ADNP: variants seen among roughly 807,000 people sequenced by gnomAD.
ADNP encodes activity dependent neuroprotector homeobox, also known as activity-dependent neuroprotector homeobox protein.
Under a neutral mutation model 84.9 loss-of-function variants are expected in ADNP, and 4 were observed. That is an observed-to-expected ratio of 0.05 (90% CI 0.02 to 0.11). ADNP has a LOEUF of 0.11. Among genes scored for constraint, ADNP ranks in the 10% least tolerant of loss-of-function variants. The probability of loss-of-function intolerance (pLI) is 1.00; values close to 1 mark genes in which losing one functional copy is unlikely to be tolerated. For missense variants in ADNP, 1,132 were observed against 1,326.0 expected (o/e 0.85, Z 2.27); for synonymous variants, 554 against 468.1 (o/e 1.18, Z -2.37).
Position 50,901,933 on chromosome 20 carries a change from A to C in ADNP, c.201+84T>G, listed in dbSNP as rs915344838. ...CGATGTTTGGCACTTGCCCGCAATCACTGCACCGCTATAAAAGGCCTAGAG... is the reference window on the plus strand; with the variant it reads ...CGATGTTTGGCACTTGCCCGCAATCCCTGCACCGCTATAAAAGGCCTAGAG... On this transcript the variant is annotated intron_variant, in intron 5 of 5. Coordinates refer to ENST00000621696, the MANE Select transcript of ADNP (RefSeq NM_001282531.3). The C allele has an allele frequency of 4.9e-6, 5 of 1,013,894 alleles. No homozygotes were observed. The African/African-American group carries it at 8.1e-5, about 16-fold the overall frequency. The allele number at this position is 1,013,894 out of a possible 1,614,324, so 62.8% of individuals were successfully genotyped here. A position where few individuals can be genotyped will look rare whatever the true frequency, so the allele number is the denominator to read the frequency against.
intron 2 of ADNP, among the ~76,000 whole-genome samples, chr20:50,922,014 A>T (rs1983985876): frequency 6.6e-6 from 1 of 152,230 alleles, no homozygotes; most frequent in South Asian, 2.1e-4. Flanking sequence ...CCACAGGCAT[A>T]CAGCCACTTG....
chr20:50,898,544 T>C (rs762786911), intron 5 of ADNP, among the ~76,000 whole-genome samples: 13 of 152,242 alleles, frequency 8.5e-5, no homozygotes, highest in Non-Finnish European at 1.6e-4. Flanking sequence ...TTTGTTCTTG[T>C]TCTTCAAGAT....
chr20:50,917,679 T>C (rs530004236), intron 2 of ADNP, among the ~76,000 whole-genome samples: 5 of 152,282 alleles, frequency 3.3e-5, no homozygotes, highest in Admixed American at 6.5e-5. Flanking sequence ...CAGGCTCCAG[T>C]CAAACTGGGA....
In ADNP at chr20:50,890,428, A is replaced by G. The variant is rs1980564698; in HGVS notation, c.*977T>C. The G allele has an allele frequency of 6.6e-6, 1 of 152,444 alleles. No individual in the cohort carries two copies. Among genetic ancestry groups the G allele is most frequent in the South Asian group, 2.1e-4 (1 of 4,836 alleles). The allele number at this position is 152,444 out of a possible 1,614,324, so 9.4% of individuals were successfully genotyped here. On this transcript the variant is annotated 3_prime_UTR_variant, in exon 6 of 6. Transcript: ENST00000621696. ...TAAAGATCACAAAATTATACATACT[A>G]CAACAGTGTGTCATATATTAGATGG... is the stretch of plus-strand genomic sequence containing the variant.
At chr20:50,899,420 A>G (rs1981736565) in intron 5 of ADNP, among the ~76,000 whole-genome samples, 1 of 152,090 alleles carries the variant, frequency 6.6e-6, no homozygotes, top group Admixed American at 6.6e-5. Context: ...CATGTTGGCC[A>G]GGCTGGTCTC....
rs753039752 is a variant in ADNP, at chr20:50,891,172, C to T, written c.*233G>A. Reference sequence around the variant, plus strand: ...TTTCCTCGTGTGTATTCATGAGTCACCAGCTTATTGGTTTTTCACATTTAG... The same window carrying T: ...TTTCCTCGTGTGTATTCATGAGTCATCAGCTTATTGGTTTTTCACATTTAG... On this transcript the variant is annotated 3_prime_UTR_variant, in exon 6 of 6. Coordinates refer to ENST00000621696, the MANE Select transcript of ADNP (RefSeq NM_001282531.3). 1 of 1,298,222 alleles carries T rather than the reference C, an allele frequency of 7.7e-7. No individual in the cohort carries two copies. Among genetic ancestry groups the T allele is most frequent in the Non-Finnish European group, 9.7e-7 (1 of 1,026,998 alleles). 80.4% of individuals were successfully genotyped at this position (1,298,222 alleles called of 1,614,324 possible). A position where few individuals can be genotyped will look rare whatever the true frequency, so the allele number is the denominator to read the frequency against.
At chr20:50,909,271 G>A (rs1002018321) in intron 2 of ADNP, among the ~76,000 whole-genome samples, 4 of 146,380 alleles carry the variant, frequency 2.7e-5, no homozygotes, top group Non-Finnish European at 3.0e-5. Context: ...GCTGAGGCAG[G>A]AGAATCGCTT....
At chr20:50,929,931 T>G (rs1014329320) in intron 1 of ADNP, among the ~76,000 whole-genome samples, 11 of 151,706 alleles carry the variant, frequency 7.3e-5, no homozygotes, top group African/African-American at 2.4e-4. Context: ...ACTTCGTGTG[T>G]GGGGGGTGTG....
chr20:50,919,315 A>ATATATATC (rs1555815826), intron 2 of ADNP, among the ~76,000 whole-genome samples: 1 of 147,482 alleles, frequency 6.8e-6, no homozygotes, highest in Non-Finnish European at 1.5e-5. Context: ...ATATATATAT[A>ATATATATC]TGTAAAAAGC....
chr20:50,892,928 T>C lies in ADNP; in HGVS notation c.1786A>G (p.Lys596Glu), dbSNP rs745616231. The C allele has an allele frequency of 3.7e-6, 6 of 1,614,120 alleles. No individual in the cohort carries two copies. Among genetic ancestry groups the C allele is most frequent in the East Asian group, 2.2e-5 (1 of 44,900 alleles). Reference sequence around the variant, plus strand: ...GGGATATCTGCCTTTTCCTGAACCTTTGGCTGTGGCTTTGGAGGAACTGGA... The same window carrying C: ...GGGATATCTGCCTTTTCCTGAACCTCTGGCTGTGGCTTTGGAGGAACTGGA... ...NPPVPPKPQP[K>E]VQEKADIPVK... Residue 596 changes from lysine to glutamate, a missense_variant, in exon 6 of 6, where the codon AAG (lysine) becomes GAG (glutamate). By Grantham distance (56) the Lys-to-Glu change is moderately conservative (BLOSUM62 1). Transcript: ENST00000621696.
rs1395051094 is a variant in ADNP at position 50,931,262 on chromosome 20, G to T, written c.-701C>A. On this transcript the variant is annotated 5_prime_UTR_variant, in exon 1 of 6. Coordinates refer to ENST00000621696, the MANE Select transcript of ADNP (RefSeq NM_001282531.3). ...AGATGGCGGCGGCCGGGGGGGGGGG[G>T]GCGGGAGTTCAGCTCATGGATCCCG... The T allele has an allele frequency of 3.8e-5, 4 of 104,294 alleles. No individual in the cohort carries two copies. Among genetic ancestry groups the T allele is most frequent in the East Asian group, 3.7e-4 (1 of 2,688 alleles). The allele number at this position is 104,294 out of a possible 1,614,324, so 6.5% of individuals were successfully genotyped here.
chr20:50,909,194 G>T (rs931348460), intron 2 of ADNP, among the ~76,000 whole-genome samples: 5 of 151,474 alleles, frequency 3.3e-5, no homozygotes, highest in Admixed American at 3.3e-4. Flanking sequence ...GAGAAACCCC[G>T]TCTCTGCTAA....
At chr20:50,910,665 AT>A (rs760892598) in intron 2 of ADNP, among the ~76,000 whole-genome samples, 1 of 152,142 alleles carries the variant, frequency 6.6e-6, no homozygotes, top group East Asian at 1.9e-4. Context: ...AATTATTATT[AT>A]TTTTGAGAAA....
At chr20:50,926,113 C>CA (rs1216256783) in intron 2 of ADNP, among the ~76,000 whole-genome samples, 1 of 152,088 alleles carries the variant, frequency 6.6e-6, no homozygotes, top group African/African-American at 2.4e-5. Context: ...AACAAACAAA[C>CA]AACACACAAA....
intron 5 of ADNP, among the ~76,000 whole-genome samples, chr20:50,900,167 CAT>C (rs1286455665): frequency 6.6e-6 from 1 of 152,154 alleles, no homozygotes; most frequent in African/African-American, 2.4e-5. Flanking sequence ...TTTTATATTG[CAT>C]TTTTACTGTA....
At position 50,889,555 on chromosome 20, in the gene ADNP, T is replaced by C. The variant is rs1479174765; in HGVS notation, c.*1850A>G. 7 of 252,250 alleles carry C rather than the reference T, an allele frequency of 2.8e-5. No individual in the cohort carries two copies. Among genetic ancestry groups the C allele is most frequent in the Non-Finnish European group, 5.2e-5 (7 of 133,682 alleles). 15.6% of individuals were successfully genotyped at this position (252,250 alleles called of 1,614,324 possible). On this transcript the variant is annotated 3_prime_UTR_variant, in exon 6 of 6. Coordinates refer to ENST00000621696, the MANE Select transcript of ADNP (RefSeq NM_001282531.3). ...AGAAGCTTACATTTTAGGGAGAGGC[T>C]GGTCAAATCTCTACTCTCTGGTAAC...
At chr20:50,913,447 TTA>T (rs375255330) in intron 2 of ADNP, among the ~76,000 whole-genome samples, 1 of 152,116 alleles carries the variant, frequency 6.6e-6, no homozygotes, top group African/African-American at 2.4e-5. Flanking sequence ...GCAAGAATTT[TTA>T]TATATCTCTT....
At chr20:50,918,891 T>C (rs1333469635) in intron 2 of ADNP, among the ~76,000 whole-genome samples, 6 of 152,210 alleles carry the variant, frequency 3.9e-5, no homozygotes, top group Admixed American at 6.5e-5. Flanking sequence ...AGTTCATTTA[T>C]AGCAAACCAA....
rs559172252 is a variant in ADNP at position 50,891,037 on chromosome 20, T to C, written c.*368A>G. 5.8e-5 allele frequency: 60 copies of C among 1,042,170 alleles called. No homozygotes were observed. In the South Asian group the frequency reaches 6.3e-4, roughly 11 times the overall value. The allele number at this position is 1,042,170 out of a possible 1,614,324, so 64.6% of individuals were successfully genotyped here. On this transcript the variant is annotated 3_prime_UTR_variant, in exon 6 of 6. Transcript: ENST00000621696. ...ACACATTAGACTGGTAGCTTGTATG[T>C]TGGCCCTACACTACCATGTGAATTA...
Sources: allele counts gnomAD v4.1 joint callset (sites outside exome capture counted in the v4.1 genomes callset), GRCh38; gene constraint gnomAD v4.1.1; transcripts MANE v1.5; gene names NCBI Gene and HGNC (gene_info 2026-07-23, HGNC 2026-07-21).